Variants in FAM81B observed in about 807,000 individuals in gnomAD.
The protein encoded by FAM81B is family with sequence similarity 81 member B.
In FAM81B, 60 loss-of-function variants were observed where a neutral mutation model predicts 58.7. The ratio of observed to expected loss-of-function variants is 1.02; its 90% CI spans 0.83 to 1.27. FAM81B has a LOEUF of 1.27. FAM81B is among the 50% of genes most tolerant of loss of function. The pLI is 0.00. For synonymous variants in FAM81B, 189 were observed against 179.6 expected, an observed-to-expected ratio of 1.05 and a Z score of -0.42; for missense variants, 491 against 522.0, an observed-to-expected ratio of 0.94 and a Z score of 0.58.
intron 4 of FAM81B, among the ~76,000 whole-genome samples, chr5:95,418,053 A>G (rs1286551429): frequency 6.6e-6 from 1 of 152,210 alleles, no homozygotes; most frequent in Non-Finnish European, 1.5e-5. Flanking sequence ...TAAATGGAAG[A>G]TCCCAGAACC....
chr5:95,442,066 A>G (rs1383065267), intron 7 of FAM81B, among the ~76,000 whole-genome samples: 1 of 152,240 alleles, frequency 6.6e-6, no homozygotes, highest in Non-Finnish European at 1.5e-5. Flanking sequence ...TGAAAACACT[A>G]CCACAGTAGA....
chr5:95,400,361 A>G (rs903995284), intron 3 of FAM81B, among the ~76,000 whole-genome samples: 4 of 152,020 alleles, frequency 2.6e-5, no homozygotes, highest in Admixed American at 6.6e-5. Flanking sequence ...CCATCTTTAC[A>G]TGGTATCTCC....
chr5:95,447,112 C>A (rs535191730), intron 8 of FAM81B, among the ~76,000 whole-genome samples: 2 of 152,180 alleles, frequency 1.3e-5, no homozygotes, highest in East Asian at 3.9e-4. Context: ...TTTCAAAACT[C>A]TTTTTTTCAG....
At chr5:95,450,014 G>A (rs925901103) in intron 9 of FAM81B, 135 bp from the exon 10 acceptor site, 2 of 946,276 alleles carry the variant, frequency 2.1e-6, no homozygotes, top group Non-Finnish European at 3.1e-6. Context: ...TACAATTTTA[G>A]GCTGGTCTTC....
rs750048781 is a variant in FAM81B at position 95,391,518 on chromosome 5, T to G, written c.124+5T>G. ...AAGCAAGCATCATGAGTTCAGGTAC[T>G]TATGGACTATTCGAGGTCTCTAAAT... On this transcript the variant is annotated splice_donor_5th_base_variant and intron_variant, in intron 1 of 9. Transcript: ENST00000283357. 4 of 1,608,870 alleles carry G rather than the reference T, an allele frequency of 2.5e-6. No individual in the cohort carries two copies. In the East Asian group the frequency reaches 8.9e-5, roughly 36 times the overall value.
chr5:95,421,655 A>G (rs1320637410), intron 5 of FAM81B, among the ~76,000 whole-genome samples: 1 of 141,786 alleles, frequency 7.1e-6, no homozygotes, highest in Admixed American at 7.3e-5. Flanking sequence ...GTGACATTCT[A>G]GTTGCAGTGA....
At chr5:95,441,071 G>A (rs1259451162) in intron 7 of FAM81B, among the ~76,000 whole-genome samples, 2 of 152,228 alleles carry the variant, frequency 1.3e-5, no homozygotes, top group South Asian at 4.2e-4. Context: ...ATCCTCATTA[G>A]TAAATTGAAA....
At chr5:95,395,246 T>C (rs1428105237) in intron 2 of FAM81B, among the ~76,000 whole-genome samples, 1 of 152,000 alleles carries the variant, frequency 6.6e-6, no homozygotes, top group Non-Finnish European at 1.5e-5. Context: ...GAGACCATCC[T>C]GGCTAACATG....
chr5:95,419,985 GAAT>G lies in FAM81B; in HGVS notation c.538-294_538-292del, dbSNP rs1438799168. On this transcript the variant is annotated intron_variant, in intron 4 of 9. Coordinates refer to ENST00000283357, the MANE Select transcript of FAM81B (RefSeq NM_152548.3). ...CCATATATGGTTTACAAAAGATCTT[GAAT>G]AATATGCCAATATTGTTAATTTGAG... 7.9e-5 allele frequency among the ~76,000 whole-genome samples: 12 copies of G among 152,276 alleles called. No individual in the cohort carries two copies. The East Asian group carries it at 1.4e-3, about 17-fold the overall frequency.
chr5:95,439,966 C>T, intron 7 of FAM81B: 1 of 304,228 alleles, frequency 3.3e-6, no homozygotes, highest in East Asian at 8.7e-5. Context: ...TTACAATGAG[C>T]TGTCATTGCA....
chr5:95,400,888 C>T (rs1045260809), intron 3 of FAM81B, among the ~76,000 whole-genome samples: 1 of 152,010 alleles, frequency 6.6e-6, no homozygotes, highest in Non-Finnish European at 1.5e-5. Context: ...CCAAGTACAG[C>T]GTTCTTTCCC....
At chr5:95,421,267 GA>G (rs944179370) in intron 5 of FAM81B, among the ~76,000 whole-genome samples, 1 of 152,188 alleles carries the variant, frequency 6.6e-6, no homozygotes, top group Non-Finnish European at 1.5e-5. Flanking sequence ...GGATGCTATG[GA>G]AATGTCCAAA....
intron 3 of FAM81B, among the ~76,000 whole-genome samples, chr5:95,401,827 G>A (rs571567355): frequency 4.6e-5 from 7 of 152,252 alleles, no homozygotes; most frequent in Admixed American, 2.6e-4. Context: ...TCCATGTACC[G>A]GCTGATCTGC....
Position 95,446,951 on chromosome 5 carries a change from T to TA in FAM81B, c.1029+267dup, listed in dbSNP as rs562369898. Among the ~76,000 whole-genome samples the TA allele has an allele frequency of 5.8e-3, 835 of 144,904 alleles. 6 individuals carry two copies. Among genetic ancestry groups the TA allele is most frequent in the South Asian group, 0.03 (138 of 4,562 alleles). On this transcript the variant is annotated intron_variant, in intron 8 of 9. Coordinates refer to ENST00000283357, the MANE Select transcript of FAM81B (RefSeq NM_152548.3). ...AAGAATCTGAAGAGGTTTTTTTTTTTAAAAAAAAAAAAATAGATTGCCACC... is the reference window on the plus strand; with the variant it reads ...AAGAATCTGAAGAGGTTTTTTTTTTTAAAAAAAAAAAAAATAGATTGCCACC...
intron 3 of FAM81B, among the ~76,000 whole-genome samples, chr5:95,408,075 T>TGAGAGAGAGAGAGAGA (rs10567707): frequency 2.0e-3 from 264 of 130,296 alleles, no homozygotes; most frequent in Admixed American, 3.4e-3. Context: ...TCCCCCAAAA[T>TGAGAGAGAGAGAGAGA]GAGAGAGAGA....
intron 9 of FAM81B, among the ~76,000 whole-genome samples, chr5:95,449,341 G>T (rs1745705749): frequency 6.6e-6 from 1 of 152,052 alleles, no homozygotes; most frequent in Admixed American, 6.5e-5. Flanking sequence ...TCAAAATAAT[G>T]AATTATCTGG....
At chr5:95,402,469 G>A (rs1019537451) in intron 3 of FAM81B, among the ~76,000 whole-genome samples, 4 of 152,148 alleles carry the variant, frequency 2.6e-5, no homozygotes, top group African/African-American at 9.7e-5. Context: ...AAAAAGGAAA[G>A]CTCTCCACTT....
At chr5:95,397,415 A>G (rs1761992914) in intron 3 of FAM81B, among the ~76,000 whole-genome samples, 1 of 152,236 alleles carries the variant, frequency 6.6e-6, no homozygotes, top group Non-Finnish European at 1.5e-5. Flanking sequence ...AGCTAACCTT[A>G]TCTTCCAAGG....
At chr5:95,448,634 G>A in intron 9 of FAM81B, 170 bp downstream of exon 9, 1 of 677,142 alleles carries the variant, frequency 1.5e-6, no homozygotes, top group East Asian at 2.9e-5. Flanking sequence ...ATACTGGAAG[G>A]CATATAAATA....
Sources: gnomAD v4.1 joint callset for allele counts (sites outside exome capture counted in the v4.1 genomes callset) on GRCh38, gnomAD v4.1.1 for gene constraint, MANE v1.5 for transcripts, NCBI Gene and HGNC (gene_info 2026-07-23, HGNC 2026-07-21) for gene names.